The following NCAM1 variants were observed in gnomAD, a reference collection of about 807,000 sequenced individuals.
NCAM1 encodes neural cell adhesion molecule 1, also known as antigen recognized by monoclonal antibody 5.1H11.
NCAM1 carries 14 observed loss-of-function variants against 109.8 expected under a neutral mutation model. The ratio of observed to expected loss-of-function variants is 0.13; its 90% CI spans 0.08 to 0.20. The LOEUF (loss-of-function observed/expected upper bound fraction) is 0.20, where lower values mean the gene tolerates loss of function less well. Among genes scored for constraint, NCAM1 ranks in the 10% least tolerant of loss-of-function variants. NCAM1 has a pLI of 1.00. For synonymous variants in NCAM1, 418 were observed against 442.9 expected, an observed-to-expected ratio of 0.94 and a Z score of 0.70; for missense variants, 774 against 1,109.9, an observed-to-expected ratio of 0.70 and a Z score of 4.30.
chr11:113,170,134 C>T (rs1942946211), intron 1 of NCAM1, among the ~76,000 whole-genome samples: 1 of 152,104 alleles, frequency 6.6e-6, no homozygotes. Flanking sequence ...TCATAGCAGC[C>T]TGAAACCAAA....
chr11:113,024,306 G>C (rs1940734), intron 1 of NCAM1, among the ~76,000 whole-genome samples: 68,532 of 151,976 alleles, frequency 0.45, 16,325 homozygotes, highest in East Asian at 0.8. Context: ...AAATTTGGAG[G>C]CAACAGGCAA....
chr11:113,020,261 C>T (rs1460314562), intron 1 of NCAM1, among the ~76,000 whole-genome samples: 1 of 152,156 alleles, frequency 6.6e-6, no homozygotes, highest in Admixed American at 6.5e-5. Flanking sequence ...GCTTTCTATC[C>T]TTGAATACCT....
At chr11:113,247,312 C>T (rs1284484697) in intron 15 of NCAM1, among the ~76,000 whole-genome samples, 4 of 152,172 alleles carry the variant, frequency 2.6e-5, no homozygotes, top group Non-Finnish European at 4.4e-5. Context: ...CAGCCTGAGA[C>T]ATTGGCTACA....
At chr11:113,028,298 G>A (rs1197198109) in intron 1 of NCAM1, among the ~76,000 whole-genome samples, 1 of 151,942 alleles carries the variant, frequency 6.6e-6, no homozygotes, top group Admixed American at 6.6e-5. Flanking sequence ...TACCCCATAA[G>A]CATGAACAAT....
chr11:113,195,444 G>A (rs1328457448), intron 1 of NCAM1, among the ~76,000 whole-genome samples: 2 of 139,142 alleles, frequency 1.4e-5, no homozygotes, highest in African/African-American at 2.7e-5. Flanking sequence ...ACACAAAAAT[G>A]TAAATACACA....
chr11:113,107,230 C>T (rs1169152328), intron 1 of NCAM1, among the ~76,000 whole-genome samples: 2 of 152,150 alleles, frequency 1.3e-5, no homozygotes, highest in African/African-American at 4.8e-5. Context: ...TGCTCTACCT[C>T]TTCCTAGCTG....
intron 1 of NCAM1, among the ~76,000 whole-genome samples, chr11:113,146,741 G>A (rs1254661313): frequency 6.6e-6 from 1 of 152,172 alleles, no homozygotes; most frequent in Non-Finnish European, 1.5e-5. Context: ...ACTGGACAAG[G>A]CCTAGCGAAG....
intron 1 of NCAM1, among the ~76,000 whole-genome samples, chr11:113,095,224 GC>G (rs1311079445): frequency 6.6e-6 from 1 of 152,148 alleles, no homozygotes; most frequent in East Asian, 1.9e-4. Context: ...AGGGATTTGT[GC>G]TGTGTCTTTA....
intron 8 of NCAM1, among the ~76,000 whole-genome samples, chr11:113,215,310 C>G (rs551622163): frequency 6.6e-6 from 1 of 152,010 alleles, no homozygotes; most frequent in Non-Finnish European, 1.5e-5. Flanking sequence ...CAACTTAAAC[C>G]GTCTTATGGT....
chr11:113,079,996 A>G (rs998921497), intron 1 of NCAM1, among the ~76,000 whole-genome samples: 1 of 152,220 alleles, frequency 6.6e-6, no homozygotes, highest in East Asian at 1.9e-4. Flanking sequence ...AATACATTAT[A>G]ATTTAGCTAC....
intron 1 of NCAM1, among the ~76,000 whole-genome samples, chr11:112,968,995 C>G (rs1487298762): frequency 2.6e-5 from 4 of 152,124 alleles, no homozygotes; most frequent in Non-Finnish European, 1.5e-5. Flanking sequence ...AGCTTACCAC[C>G]TGGAAGGAGG....
At chr11:113,216,307 G>T (rs575622230) in intron 8 of NCAM1, among the ~76,000 whole-genome samples, 1 of 151,818 alleles carries the variant, frequency 6.6e-6, no homozygotes, top group African/African-American at 2.4e-5. Context: ...CCGCCACCTC[G>T]CCCGGCTAAT....
intron 1 of NCAM1, among the ~76,000 whole-genome samples, chr11:113,130,240 A>G (rs1261943467): frequency 1.3e-5 from 2 of 152,154 alleles, no homozygotes; most frequent in African/African-American, 2.4e-5. Context: ...GGAGCATTGG[A>G]ATTAACTTTT....
chr11:113,257,651 T>C (rs114672035), intron 16 of NCAM1, among the ~76,000 whole-genome samples: 2,207 of 152,320 alleles, frequency 0.014, 56 homozygotes, highest in African/African-American at 0.049. Flanking sequence ...CGCTGAAATA[T>C]GTTAGATTTC....
chr11:113,072,358 C>T (rs1555085414), intron 1 of NCAM1, among the ~76,000 whole-genome samples: 1 of 152,126 alleles, frequency 6.6e-6, no homozygotes, highest in Non-Finnish European at 1.5e-5. Flanking sequence ...ATGGTAGTTT[C>T]AGATAAATGT....
chr11:113,017,637 G>T (rs1474655003), intron 1 of NCAM1, among the ~76,000 whole-genome samples: 1 of 149,358 alleles, frequency 6.7e-6, no homozygotes, highest in Admixed American at 6.7e-5. Flanking sequence ...GTACTGTTTT[G>T]TGTGTGTGTG....
Position 113,275,475 on chromosome 11 carries a change from C to T in NCAM1, c.*88C>T. Reference sequence around the variant, plus strand: ...TTCCAACACCACAGACACACACACGCACGCACACACACAAACACACATGCA... The same window carrying T: ...TTCCAACACCACAGACACACACACGTACGCACACACACAAACACACATGCA... On this transcript the variant is annotated 3_prime_UTR_variant, in exon 20 of 20. Transcript: ENST00000316851. 3 of 1,470,088 alleles carry T rather than the reference C, an allele frequency of 2.0e-6. No homozygotes were observed. The highest frequency in any genetic ancestry group is 1.3e-5 in the South Asian group (1 of 79,388). 91.1% of individuals were successfully genotyped at this position (1,470,088 alleles called of 1,614,324 possible).
chr11:113,092,223 G>A (rs1160369918), intron 1 of NCAM1, among the ~76,000 whole-genome samples: 2 of 152,016 alleles, frequency 1.3e-5, no homozygotes, highest in Admixed American at 6.6e-5. Flanking sequence ...TTCATAATGT[G>A]CCTATGAATT....
intron 1 of NCAM1, among the ~76,000 whole-genome samples, chr11:113,089,468 ATTTTC>A (rs1306660885): frequency 2.6e-5 from 4 of 152,010 alleles, no homozygotes; most frequent in Non-Finnish European, 4.4e-5. Flanking sequence ...TAGGCTTAGA[ATTTTC>A]TTTTCTTTAT....
Sources: allele counts gnomAD v4.1 joint callset (sites outside exome capture counted in the v4.1 genomes callset), GRCh38; gene constraint gnomAD v4.1.1; transcripts MANE v1.5; gene names NCBI Gene and HGNC (gene_info 2026-07-23, HGNC 2026-07-21).